The following PALM2AKAP2 variants were observed in gnomAD, a reference collection of about 807,000 sequenced individuals.
PALM2AKAP2 encodes PALM2 and AKAP2 fusion.
PALM2AKAP2 carries 37 observed loss-of-function variants against 71.5 expected under a neutral mutation model. That is an observed-to-expected ratio of 0.52 (90% CI 0.40 to 0.68). PALM2AKAP2 has a LOEUF of 0.68. PALM2AKAP2 is among the 30% of genes least tolerant of loss of function. PALM2AKAP2 has a pLI of 0.00. For missense variants in PALM2AKAP2, 1,224 were observed against 1,191.8 expected (o/e 1.03, Z -0.40); for synonymous variants, 468 against 478.8 (o/e 0.98, Z 0.29).
At chr9:109,644,090 C>G (rs887841825) in intron 1 of PALM2AKAP2, among the ~76,000 whole-genome samples, 3 of 152,124 alleles carry the variant, frequency 2.0e-5, no homozygotes, top group African/African-American at 7.2e-5. Context: ...CAGGATTCAC[C>G]CCCAGGACCA....
intron 1 of PALM2AKAP2, among the ~76,000 whole-genome samples, chr9:110,063,280 CAG>C (rs1834003285): frequency 6.6e-6 from 1 of 152,132 alleles, no homozygotes; most frequent in African/African-American, 2.4e-5. Flanking sequence ...CTTCCATTGA[CAG>C]AGGCTAGAAG....
At chr9:110,049,257 G>A (rs1833662177) in intron 1 of PALM2AKAP2, among the ~76,000 whole-genome samples, 1 of 152,234 alleles carries the variant, frequency 6.6e-6, no homozygotes, top group Admixed American at 6.5e-5. Context: ...GGGAGCACCG[G>A]GAGGTGCAGC....
chr9:109,991,265 C>T (rs541516407), intron 6 of PALM2AKAP2, among the ~76,000 whole-genome samples: 1 of 150,550 alleles, frequency 6.6e-6, no homozygotes, highest in Non-Finnish European at 1.5e-5. Context: ...AAGACAGAGT[C>T]TCCCTCTGTC....
At chr9:110,068,660 T>C (rs1196368567) in intron 1 of PALM2AKAP2, among the ~76,000 whole-genome samples, 2 of 151,942 alleles carry the variant, frequency 1.3e-5, no homozygotes, top group African/African-American at 4.8e-5. Context: ...GCCTCCCGAG[T>C]AGCTGAGACC....
intron 3 of PALM2AKAP2, among the ~76,000 whole-genome samples, chr9:109,920,262 G>C (rs936998862): frequency 2.0e-5 from 3 of 152,182 alleles, no homozygotes; most frequent in African/African-American, 7.2e-5. Context: ...TCTACCATAA[G>C]CCTAGAGCAA....
exon 4 of PALM2AKAP2, chr9:110,171,192 A>G (rs979817827): frequency 2.0e-5 from 3 of 152,258 alleles, no homozygotes; most frequent in Non-Finnish European, 2.9e-5. Flanking sequence ...AAGAGGCCAC[A>G]CTATTCGCGG....
chr9:110,103,685 T>C (rs1415817468), intron 1 of PALM2AKAP2, among the ~76,000 whole-genome samples: 5 of 152,224 alleles, frequency 3.3e-5, no homozygotes, highest in African/African-American at 1.2e-4. Flanking sequence ...ATTTTTCTAC[T>C]TTACCTGGAA....
intron 1 of PALM2AKAP2, among the ~76,000 whole-genome samples, chr9:110,111,053 T>A (rs1835237045): frequency 6.7e-6 from 1 of 150,354 alleles, no homozygotes; most frequent in Non-Finnish European, 1.5e-5. Context: ...TCAAGAAGCA[T>A]TTTTTTTTCC....
intron 6 of PALM2AKAP2, among the ~76,000 whole-genome samples, chr9:109,975,735 G>T (rs1032847044): frequency 1.3e-5 from 2 of 152,204 alleles, no homozygotes; most frequent in African/African-American, 2.4e-5. Context: ...CAGCCCGAGG[G>T]TTATGGGCAG....
chr9:110,110,040 G>A (rs1835210503), intron 1 of PALM2AKAP2, among the ~76,000 whole-genome samples: 1 of 152,150 alleles, frequency 6.6e-6, no homozygotes, highest in Non-Finnish European at 1.5e-5. Context: ...GGTGACTATA[G>A]TTAATAATGA....
At chr9:109,713,097 T>C (rs1040865959) in intron 1 of PALM2AKAP2, among the ~76,000 whole-genome samples, 7 of 152,178 alleles carry the variant, frequency 4.6e-5, no homozygotes, top group Non-Finnish European at 1.0e-4. Context: ...TAGACGAAGA[T>C]CAGGATCCCC....
chr9:109,886,773 A>C (rs1484296078), intron 3 of PALM2AKAP2, among the ~76,000 whole-genome samples: 1 of 152,220 alleles, frequency 6.6e-6, no homozygotes, highest in Non-Finnish European at 1.5e-5. Flanking sequence ...GTTCCGAGAA[A>C]TGTTACTGTT....
intron 1 of PALM2AKAP2, among the ~76,000 whole-genome samples, chr9:109,834,051 A>G (rs1158573258): frequency 2.0e-5 from 3 of 152,174 alleles, no homozygotes; most frequent in African/African-American, 7.2e-5. Flanking sequence ...CGTCTCTACT[A>G]AAAAAATAAA....
chr9:109,990,824 C>T (rs1006742625), intron 6 of PALM2AKAP2, among the ~76,000 whole-genome samples: 1 of 152,202 alleles, frequency 6.6e-6, no homozygotes, highest in African/African-American at 2.4e-5. Flanking sequence ...AACATGAGCC[C>T]AGAATCCTGT....
intron 6 of PALM2AKAP2, among the ~76,000 whole-genome samples, chr9:109,988,287 T>C (rs543036494): frequency 1.2e-4 from 18 of 152,336 alleles, no homozygotes; most frequent in African/African-American, 3.4e-4. Context: ...CTTTTTAGAA[T>C]GAGTTAGTTT....
intron 1 of PALM2AKAP2, among the ~76,000 whole-genome samples, chr9:109,773,230 G>A (rs924921964): frequency 6.6e-6 from 1 of 152,158 alleles, no homozygotes; most frequent in African/African-American, 2.4e-5. Context: ...CGACCTCCTG[G>A]GTTTAAATGA....
chr9:109,785,732 C>G (rs1826944433), intron 1 of PALM2AKAP2, among the ~76,000 whole-genome samples: 1 of 152,082 alleles, frequency 6.6e-6, no homozygotes, highest in African/African-American at 2.4e-5. Flanking sequence ...CAATTACCTC[C>G]TACCATGTCC....
intron 1 of PALM2AKAP2, among the ~76,000 whole-genome samples, chr9:109,759,322 T>C (rs539165619): frequency 3.9e-5 from 6 of 152,228 alleles, no homozygotes; most frequent in Non-Finnish European, 8.8e-5. Context: ...CTTCATTTCA[T>C]AGAATGGTAG....
chr9:109,994,884 G>A lies in PALM2AKAP2; in HGVS notation c.497-21070G>A, dbSNP rs867971311. 4.6e-5 allele frequency among the ~76,000 whole-genome samples: 7 copies of A among 152,126 alleles called. No homozygotes were observed. The South Asian group carries it at 6.2e-4, about 14-fold the overall frequency. On this transcript the variant is annotated intron_variant, in intron 6 of 9. Coordinates refer to the PALM2AKAP2 transcript ENST00000302798. ...CCTTTGCCCCACACCCATCAGCTGC[G>A]AGTCAGGGGCTCTCTTGTTCTATGC...
Sources: allele counts gnomAD v4.1 joint callset (sites outside exome capture counted in the v4.1 genomes callset), GRCh38; gene constraint gnomAD v4.1.1; transcripts MANE v1.5; gene names NCBI Gene and HGNC (gene_info 2026-07-23, HGNC 2026-07-21).